The following PCNX1 variants were observed in gnomAD, a reference collection of about 807,000 sequenced individuals.
PCNX1 encodes pecanex-like protein 1.
A neutral mutation model predicts 242.2 loss-of-function variants in PCNX1; 78 were observed. That is an observed-to-expected ratio of 0.32 (90% CI 0.27 to 0.39). The LOEUF is 0.39. PCNX1 is among the 10% of genes least tolerant of loss of function. The pLI, the probability that PCNX1 is intolerant of heterozygous loss-of-function variation, is 1.00. For missense variants in PCNX1, 2,581 were observed against 2,856.5 expected (o/e 0.90, Z 2.20); for synonymous variants, 1,024 against 1,032.9 (o/e 0.99, Z 0.17).
At position 70,974,740 on chromosome 14, in the gene PCNX1, C is replaced by T. The variant is rs77153275; in HGVS notation, c.605-2202C>T. 2.1e-3 allele frequency among the ~76,000 whole-genome samples: 321 copies of T among 152,234 alleles called. 2 individuals are homozygous for T. The East Asian group carries it at 0.028, about 13-fold the overall frequency. On this transcript the variant is annotated intron_variant, in intron 5 of 35. Coordinates refer to ENST00000304743, the MANE Select transcript of PCNX1 (RefSeq NM_014982.3). Reference sequence around the variant, plus strand: ...AAGAAGGTTACACCAGTTGGTACCACCATGAGCAGTATGTCTTTCTTATTC... The same window carrying T: ...AAGAAGGTTACACCAGTTGGTACCATCATGAGCAGTATGTCTTTCTTATTC...
Position 71,108,859 on chromosome 14 carries a change from T to C in PCNX1, c.6557T>C (p.Val2186Ala), listed in dbSNP as rs1038668133. Residue 2186 changes from valine (V) to alanine (A), a missense_variant, in exon 34 of 36, where the codon GTG (valine) becomes GCG (alanine). Around this residue, in one of 9 missense-constraint regions of PCNX1, gnomAD observed 432 missense variants for 433.6 expected, o/e 1.00. Coordinates refer to ENST00000304743, the MANE Select transcript of PCNX1 (RefSeq NM_014982.3). The stretch of plus-strand genomic sequence containing the variant: ...TCAGGTCAGAGCGGCCTGGCCTGTG[T>C]GCAGCACGGCCTGCCTTCCTCCAGC... ...EPSGQSGLACVQHGLPSSSSS... is the reference protein window; with the variant it reads ...EPSGQSGLACAQHGLPSSSSS... The C allele has an allele frequency of 1.9e-6, 3 of 1,614,146 alleles. No homozygotes were observed. The African/African-American group carries it at 4.0e-5, about 22-fold the overall frequency.
rs545086555 is a variant in PCNX1 at position 71,080,403 on chromosome 14, T to C, written c.5337+3984T>C. ...AATTTAAAGTAGTTTTTTCTAATTC[T>C]TAGAAGCAAGTCTGTGGTAGCTTGA... On this transcript the variant is annotated intron_variant, in intron 28 of 35. Coordinates refer to ENST00000304743, the MANE Select transcript of PCNX1 (RefSeq NM_014982.3). 1.1e-3 allele frequency among the ~76,000 whole-genome samples: 164 copies of C among 152,350 alleles called. 1 individual carries two copies. The highest frequency in any genetic ancestry group is 3.9e-3 in the African/African-American group (163 of 41,582).
intron 2 of PCNX1, among the ~76,000 whole-genome samples, chr14:70,959,549 G>A (rs987834978): frequency 9.9e-5 from 15 of 151,860 alleles, no homozygotes; most frequent in African/African-American, 3.6e-4. Flanking sequence ...TCCCTACAAA[G>A]GACAGGAACT....
chr14:70,910,058 T>TCC (rs2055773613), intron 1 of PCNX1, among the ~76,000 whole-genome samples: 1 of 59,932 alleles, frequency 1.7e-5, no homozygotes, highest in Non-Finnish European at 3.1e-5. Context: ...CTCCTCCTCC[T>TCC]CCTCCCCCTC....
At chr14:70,963,164 T>G (rs2058273635) in intron 3 of PCNX1, among the ~76,000 whole-genome samples, 1 of 152,244 alleles carries the variant, frequency 6.6e-6, no homozygotes, top group African/African-American at 2.4e-5. Context: ...TTCTGCCTGC[T>G]TTCTGTTCTA....
Position 71,088,440 on chromosome 14 carries a change from G to A in PCNX1, c.5438+10G>A, listed in dbSNP as rs780805344. ...CCCATCATATGTCCAGGTAAAGAAG[G>A]CATTTCTGTTCTGAGGAAGAGAGCA... On this transcript the variant is annotated intron_variant, in intron 29 of 35. Transcript: ENST00000304743. The A allele has an allele frequency of 3.8e-5, 58 of 1,527,862 alleles. No homozygotes were observed. In the African/African-American group the frequency reaches 6.4e-4, roughly 17 times the overall value. 94.6% of individuals were successfully genotyped at this position (1,527,862 alleles called of 1,614,324 possible).
intron 1 of PCNX1, among the ~76,000 whole-genome samples, chr14:70,916,622 T>G (rs1165596603): frequency 6.6e-6 from 1 of 152,214 alleles, no homozygotes; most frequent in Non-Finnish European, 1.5e-5. Context: ...TATACCTTAA[T>G]TAAAAAATAC....
At chr14:71,028,585 A>C (rs1405960286) in intron 15 of PCNX1, 115 bp from the exon 16 acceptor site, 1 of 615,138 alleles carries the variant, frequency 1.6e-6, no homozygotes. Context: ...AATTCAGATT[A>C]GTAGATATTT....
At chr14:71,060,786 G>A (rs148599982) in intron 26 of PCNX1, 15 of 152,278 alleles carry the variant, frequency 9.9e-5, no homozygotes, top group African/African-American at 3.4e-4. Flanking sequence ...AGAAACTACT[G>A]AAGACCAGAC....
chr14:71,060,446 T>C (rs1159465754), intron 26 of PCNX1, among the ~76,000 whole-genome samples: 1 of 152,216 alleles, frequency 6.6e-6, no homozygotes, highest in Non-Finnish European at 1.5e-5. Context: ...ACATCTCACA[T>C]TTACTGTATC....
intron 31 of PCNX1, among the ~76,000 whole-genome samples, chr14:71,103,073 C>T (rs1156734293): frequency 6.6e-6 from 1 of 152,168 alleles, no homozygotes; most frequent in Non-Finnish European, 1.5e-5. Context: ...AAATATTTAT[C>T]TCTCATTTCT....
chr14:71,033,288 A>G (rs906433042), intron 16 of PCNX1, 141 bp from the exon 17 acceptor site: 2 of 543,956 alleles, frequency 3.7e-6, no homozygotes. Context: ...TTTTTCTGGA[A>G]TAAAATGCAA....
At chr14:70,982,305 T>G (rs1436049387) in intron 6 of PCNX1, among the ~76,000 whole-genome samples, 1 of 152,136 alleles carries the variant, frequency 6.6e-6, no homozygotes, top group Non-Finnish European at 1.5e-5. Context: ...AAGCAGTAAA[T>G]TAGTAGAAGG....
intron 1 of PCNX1, among the ~76,000 whole-genome samples, chr14:70,913,062 A>T (rs932213516): frequency 6.6e-6 from 1 of 151,484 alleles, no homozygotes; most frequent in Non-Finnish European, 1.5e-5. Context: ...TAACACAAAC[A>T]TATATTTTTT....
chr14:71,039,204 CT>C (rs1482778703), intron 19 of PCNX1, among the ~76,000 whole-genome samples: 1 of 151,296 alleles, frequency 6.6e-6, no homozygotes, highest in Non-Finnish European at 1.5e-5. Flanking sequence ...CACACGTACC[CT>C]AAAACTTAAA....
chr14:71,047,700 T>G, intron 21 of PCNX1, 107 bp from the exon 22 acceptor site: 1 of 854,376 alleles, frequency 1.2e-6, no homozygotes, highest in East Asian at 2.6e-5. Context: ...TTACATTTAA[T>G]GTATATATTA....
intron 1 of PCNX1, among the ~76,000 whole-genome samples, chr14:70,930,054 C>T (rs926700973): frequency 6.6e-6 from 1 of 151,686 alleles, no homozygotes; most frequent in African/African-American, 2.4e-5. Context: ...TTTCTTCATC[C>T]CTTATTTTTC....
intron 2 of PCNX1, among the ~76,000 whole-genome samples, chr14:70,961,447 A>C (rs545342083): frequency 6.6e-6 from 1 of 152,360 alleles, no homozygotes; most frequent in South Asian, 2.1e-4. Context: ...TGGTGCTGGG[A>C]AAACTGGCTA....
chr14:70,919,804 C>T (rs1309907582), intron 1 of PCNX1, among the ~76,000 whole-genome samples: 1 of 137,268 alleles, frequency 7.3e-6, no homozygotes, highest in Non-Finnish European at 1.5e-5. Flanking sequence ...GGAACCTGAG[C>T]AGTTGCATCT....
Sources: allele counts gnomAD v4.1 joint callset (sites outside exome capture counted in the v4.1 genomes callset), GRCh38; gene constraint gnomAD v4.1.1; regional missense constraint gnomAD v4.1.1; transcripts MANE v1.5; gene names NCBI Gene and HGNC (gene_info 2026-07-23, HGNC 2026-07-21).